Variants in FAM13B observed in about 807,000 individuals in gnomAD.
FAM13B encodes family with sequence similarity 13 member B, also known as protein FAM13B.
A neutral mutation model predicts 117.3 loss-of-function variants in FAM13B; 60 were observed. The ratio of observed to expected loss-of-function variants is 0.51; its 90% CI spans 0.42 to 0.63. The LOEUF (loss-of-function observed/expected upper bound fraction) is 0.63. Ranked by LOEUF, FAM13B falls within the 30% of genes least tolerant of loss-of-function variation. The pLI is 0.00. For synonymous variants in FAM13B, 332 were observed against 356.1 expected (o/e 0.93, Z 0.76); for missense variants, 972 against 1,091.9 (o/e 0.89, Z 1.55).
At chr5:137,982,216 T>C (rs748744002) in intron 10 of FAM13B, among the ~76,000 whole-genome samples, 4 of 152,088 alleles carry the variant, frequency 2.6e-5, no homozygotes, top group Non-Finnish European at 4.4e-5. Flanking sequence ...AGGATGGCAG[T>C]AGAAACAGTA....
chr5:138,005,804 T>A (rs1030799956), intron 7 of FAM13B, among the ~76,000 whole-genome samples: 1 of 152,170 alleles, frequency 6.6e-6, no homozygotes, highest in Non-Finnish European at 1.5e-5. Context: ...AATTACTTCA[T>A]AATTTTCCTA....
chr5:137,994,973 T>C (rs1779511545), intron 7 of FAM13B, among the ~76,000 whole-genome samples: 2 of 152,224 alleles, frequency 1.3e-5, no homozygotes, highest in South Asian at 2.1e-4. Flanking sequence ...AATAAAAGTA[T>C]TGCAGTTCAG....
In FAM13B at chr5:137,941,965, G is replaced by C; in HGVS notation, c.2669C>G (p.Ala890Gly). Residue 890 changes from alanine to glycine, a missense_variant, in exon 23 of 24, where the codon GCA (alanine) becomes GGA (glycine). Ala to Gly is a moderately conservative substitution (Grantham distance 60, BLOSUM62 0). Transcript: ENST00000689681. ...LRKTLREFEE[A>G]FYQQNGRNAQ... is the part of the protein sequence containing the mutation. The stretch of plus-strand genomic sequence containing the variant: ...AAACCTTCCATTTTGTTGATAAAAT[G>C]CTTCTTCAAATTCCCGCAACGTTTT... 1 of 1,613,866 alleles carries C rather than the reference G, an allele frequency of 6.2e-7. No homozygotes were observed. Among genetic ancestry groups the C allele is most frequent in the Non-Finnish European group, 8.5e-7 (1 of 1,179,914 alleles).
At chr5:138,024,445 A>T (rs1304613267) in intron 1 of FAM13B, among the ~76,000 whole-genome samples, 3 of 152,056 alleles carry the variant, frequency 2.0e-5, no homozygotes, top group Non-Finnish European at 2.9e-5. Flanking sequence ...CCCTGTGGAC[A>T]CTTCCTTTTG....
chr5:137,997,690 T>C (rs777196268), intron 7 of FAM13B, among the ~76,000 whole-genome samples: 2 of 151,928 alleles, frequency 1.3e-5, no homozygotes, highest in Non-Finnish European at 2.9e-5. Context: ...TAACAAAACA[T>C]AGCTAATGAC....
At chr5:137,995,137 A>C (rs1375553686) in intron 7 of FAM13B, among the ~76,000 whole-genome samples, 1 of 152,194 alleles carries the variant, frequency 6.6e-6, no homozygotes, top group African/African-American at 2.4e-5. Flanking sequence ...ACTGCTGAGC[A>C]ATTATTAGTG....
chr5:138,002,528 C>T (rs893908832), intron 7 of FAM13B, among the ~76,000 whole-genome samples: 2 of 152,062 alleles, frequency 1.3e-5, no homozygotes, highest in African/African-American at 4.8e-5. Context: ...AGTGAAACTC[C>T]ATGTGAAAAC....
In FAM13B at chr5:138,011,769, G is replaced by A. The variant is rs772504848; in HGVS notation, c.547C>T (p.His183Tyr). 1.2e-6 allele frequency: 2 copies of A among 1,605,406 alleles called. No homozygotes were observed. Among genetic ancestry groups the A allele is most frequent in the Non-Finnish European group, 1.7e-6 (2 of 1,176,986 alleles). The change falls in exon 5 of 24, where the codon CAC (histidine) becomes TAC (tyrosine). Residue 183 changes from histidine (H) to tyrosine (Y), a missense_variant and splice_region_variant. His to Tyr is a moderately conservative substitution (Grantham distance 83, BLOSUM62 2). Transcript: ENST00000689681. ...ACAAAAATTTTTTAAACAACTTACT[G>A]GAAGACATCTGGACCAAAGACAGCA... is the stretch of plus-strand genomic sequence containing the variant. ...LAAVFGPDVF[H>Y]IYTDVEDMKE...
chr5:138,010,374 G>A (rs1312078248), intron 6 of FAM13B, among the ~76,000 whole-genome samples: 5 of 152,224 alleles, frequency 3.3e-5, no homozygotes, highest in Non-Finnish European at 7.3e-5. Context: ...GGAAGGCCAA[G>A]GCAGGAGGAC....
chr5:138,044,050 C>G (rs1404748069), intron 1 of FAM13B, among the ~76,000 whole-genome samples: 2 of 152,040 alleles, frequency 1.3e-5, no homozygotes, highest in Non-Finnish European at 2.9e-5. Context: ...TCCTATGTAG[C>G]TGGAACTATA....
chr5:138,025,887 G>C (rs924362988), intron 1 of FAM13B, among the ~76,000 whole-genome samples: 8 of 152,158 alleles, frequency 5.3e-5, no homozygotes, highest in Non-Finnish European at 1.0e-4. Context: ...ATACTACAGA[G>C]CTATATTAAC....
At chr5:137,970,395 C>T (rs1203912974) in intron 10 of FAM13B, among the ~76,000 whole-genome samples, 4 of 151,988 alleles carry the variant, frequency 2.6e-5, no homozygotes, top group South Asian at 2.1e-4. Flanking sequence ...AAATACTTTA[C>T]AGACAAGCAA....
At chr5:138,021,241 T>A in intron 1 of FAM13B, 44 bp from the exon 2 acceptor site, 1 of 1,208,366 alleles carries the variant, frequency 8.3e-7, no homozygotes, top group Non-Finnish European at 1.0e-6. Flanking sequence ...CATCTTTAAC[T>A]GTCAGAAGAG....
chr5:138,004,079 G>A (rs1781929619), intron 7 of FAM13B, among the ~76,000 whole-genome samples: 1 of 152,038 alleles, frequency 6.6e-6, no homozygotes, highest in African/African-American at 2.4e-5. Context: ...GACCAGCCTG[G>A]CCAACATGGT....
intron 10 of FAM13B, among the ~76,000 whole-genome samples, chr5:137,981,077 ATTTTTTTTTT>A (rs56799832): frequency 1.8e-4 from 11 of 60,466 alleles, no homozygotes; most frequent in Non-Finnish European, 2.3e-4. Context: ...ACACCTGGCT[ATTTTTTTTTT>A]TTTTTTTTTT....
intron 10 of FAM13B, among the ~76,000 whole-genome samples, chr5:137,979,935 G>T (rs867074706): frequency 2.0e-5 from 3 of 151,008 alleles, no homozygotes; most frequent in Non-Finnish European, 2.9e-5. Flanking sequence ...GCCAAGGCGC[G>T]AGGATCACCT....
At chr5:137,998,398 T>G (rs1433026255) in intron 7 of FAM13B, among the ~76,000 whole-genome samples, 1 of 152,256 alleles carries the variant, frequency 6.6e-6, no homozygotes, top group African/African-American at 2.4e-5. Flanking sequence ...TGAGTACATT[T>G]CTTTTTTAAT....
chr5:138,030,014 A>T (rs1198436222), intron 1 of FAM13B, among the ~76,000 whole-genome samples: 1 of 152,178 alleles, frequency 6.6e-6, no homozygotes, highest in Non-Finnish European at 1.5e-5. Context: ...CTCTAGTAGA[A>T]ATCTAGTAAA....
chr5:137,979,108 G>A (rs1774890662), intron 10 of FAM13B, among the ~76,000 whole-genome samples: 4 of 151,562 alleles, frequency 2.6e-5, no homozygotes, highest in Non-Finnish European at 4.4e-5. Flanking sequence ...CTCCTCCTGG[G>A]TTCAAGAGAT....
Sources: allele counts gnomAD v4.1 joint callset (sites outside exome capture counted in the v4.1 genomes callset), GRCh38; gene constraint gnomAD v4.1.1; transcripts MANE v1.5; gene names NCBI Gene and HGNC (gene_info 2026-07-23, HGNC 2026-07-21).